Variants in SLC4A9 observed in about 807,000 individuals in gnomAD.
The protein encoded by SLC4A9 is solute carrier family 4 member 9, also known as anion exchange protein 4.
Under a neutral mutation model 103.2 loss-of-function variants are expected in SLC4A9, and 102 were observed. That is an observed-to-expected ratio of 0.99 (90% CI 0.84 to 1.17). The LOEUF (loss-of-function observed/expected upper bound fraction) is 1.17. SLC4A9 is among the 50% of genes most tolerant of loss of function. The probability of loss-of-function intolerance (pLI) is 0.00; values close to 1 mark genes in which losing one functional copy is unlikely to be tolerated. For synonymous variants in SLC4A9, 453 were observed against 483.6 expected (o/e 0.94, Z 0.83); for missense variants, 1,091 against 1,193.7 (o/e 0.91, Z 1.27).
At chr5:140,366,056 T>C in intron 13 of SLC4A9, 34 bp downstream of exon 13, 1 of 1,612,776 alleles carries the variant, frequency 6.2e-7, no homozygotes. Context: ...GGGAGAGGCC[T>C]GACTCTAAGC....
Position 140,364,582 on chromosome 5 carries a change from G to A in SLC4A9, c.1608G>A (p.Gly536=). 6.2e-7 allele frequency: 1 copy of A among 1,602,802 alleles called. No individual in the cohort carries two copies. The highest frequency in any genetic ancestry group is 1.1e-5 in the South Asian group (1 of 89,286). The change falls in exon 11 of 22, where the codon GGG becomes GGA. Residue 536 remains glycine (G), a synonymous_variant. Coordinates refer to ENST00000506757, the MANE Select transcript of SLC4A9 (RefSeq NM_031467.3). The part of the protein sequence containing the change: ...LTHTYPIQKP[G]SSAYGCLCQY... ...ATACCTATCCTATCCAGAAGCCTGG[G>A]TCCTCTGCCTACGGGTGCCTCTGCC... is the stretch of plus-strand genomic sequence containing the variant.
rs1448041674 is a variant in SLC4A9 at position 140,363,393 on chromosome 5, A to T, written c.963-46A>T. The T allele has an allele frequency of 6.7e-7, 1 of 1,503,676 alleles. No homozygotes were observed. Among genetic ancestry groups the T allele is most frequent in the African/African-American group, 1.4e-5 (1 of 72,146 alleles). The allele number at this position is 1,503,676 out of a possible 1,614,324, so 93.1% of individuals were successfully genotyped here. On this transcript the variant is annotated intron_variant, in intron 7 of 21. Coordinates refer to ENST00000506757, the MANE Select transcript of SLC4A9 (RefSeq NM_031467.3). This position sits in a 1 kb window ranked among gnomAD's most constrained non-coding sequence, Gnocchi z 4.5. Reference sequence around the variant, plus strand: ...CCACGAGCTCTGGACCGAGTCGCAGACTGGTTGGAGATCCTCAGCCAACCT... The same window carrying T: ...CCACGAGCTCTGGACCGAGTCGCAGTCTGGTTGGAGATCCTCAGCCAACCT...
rs186775600 is a variant in SLC4A9, at chr5:140,367,425, A to T, written c.2019A>T (p.Thr673=). Residue 673 remains threonine (T), a synonymous_variant, in exon 15 of 22, where the codon ACA becomes ACT. Transcript: ENST00000506757. ...CATGAAATGCCCTCCTCCAGCCCACACTCCCTGGGCGTGGCTGGCTGGTGT... is the reference window on the plus strand; with the variant it reads ...CATGAAATGCCCTCCTCCAGCCCACTCTCCCTGGGCGTGGCTGGCTGGTGT... ...KLMVPREFKP[T]LPGRGWLVSP... is the part of the protein sequence containing the mutation. 6.2e-7 allele frequency: 1 copy of T among 1,611,684 alleles called. No homozygotes were observed. The highest frequency in any genetic ancestry group is 2.2e-5 in the East Asian group (1 of 44,802).
chr5:140,362,980 A>C lies in SLC4A9; in HGVS notation c.876A>C (p.Leu292=). The change falls in exon 7 of 22, where the codon CTA becomes CTC. Residue 292 remains leucine, a synonymous_variant. Coordinates refer to ENST00000506757, the MANE Select transcript of SLC4A9 (RefSeq NM_031467.3). ...TTCTGGCAGCCCTGGATGCATTCCT[A>C]GAGGAGGTGACAGTGCTTCCCCCAG... ...HDLLAALDAF[L]EEVTVLPPGR... 6.2e-7 allele frequency: 1 copy of C among 1,613,084 alleles called. No homozygotes were observed. The highest frequency in any genetic ancestry group is 1.3e-5 in the African/African-American group (1 of 74,952).
intron 3 of SLC4A9, 137 bp from the exon 4 acceptor site, chr5:140,361,671 G>A: frequency 1.1e-6 from 1 of 941,646 alleles, no homozygotes; most frequent in Non-Finnish European, 1.7e-6. Context: ...TTTTAGTGGT[G>A]AGAAAACTGT....
chr5:140,362,931 G>A lies in SLC4A9; in HGVS notation c.827G>A (p.Arg276His), dbSNP rs368529051. The change falls in exon 7 of 22, where the codon CGT becomes CAT. Residue 276 changes from arginine to histidine, a missense_variant. Coordinates refer to ENST00000506757, the MANE Select transcript of SLC4A9 (RefSeq NM_031467.3). ...TCCCAGCAATTCCAGTGGTCAGTTC[G>A]TCGGGCCAGCAACCTTCATGACCTT... ...LSDPQFQWSV[R>H]RASNLHDLLA... The A allele has an allele frequency of 2.6e-5, 42 of 1,613,766 alleles. No individual in the cohort carries two copies. The highest frequency in any genetic ancestry group is 8.0e-5 in the African/African-American group (6 of 74,882).
At chr5:140,370,390 G>C (rs1157195877) in intron 17 of SLC4A9, among the ~76,000 whole-genome samples, 1 of 151,664 alleles carries the variant, frequency 6.6e-6, no homozygotes, top group Admixed American at 6.6e-5. Flanking sequence ...CTTGAGCCTG[G>C]GGGGATGGAG....
rs186005749 is a variant in SLC4A9, at chr5:140,366,403, C to T, written c.2013+139C>T. On this transcript the variant is annotated intron_variant, in intron 14 of 21. Coordinates refer to ENST00000506757, the MANE Select transcript of SLC4A9 (RefSeq NM_031467.3). ...AGCTAGAGATAGTAATAATAATGGC[C>T]TCACAGGGTTGTCATGAGGATTAAA... 3 of 644,106 alleles carry T rather than the reference C, an allele frequency of 4.7e-6. No individual in the cohort carries two copies. The East Asian group carries it at 8.3e-5, about 18-fold the overall frequency. The allele number at this position is 644,106 out of a possible 1,614,324, so 39.9% of individuals were successfully genotyped here.
chr5:140,363,860 C>A lies in SLC4A9; in HGVS notation c.1212C>A (p.Ile404=). Residue 404 remains isoleucine, a synonymous_variant, in exon 9 of 22, where the codon ATC becomes ATA. Transcript: ENST00000506757. The surrounding 1 kb of genome is among the most constrained non-coding windows in gnomAD (Gnocchi z 4.5). The part of the protein sequence containing the change: ...YIYLATVTNA[I]TFGGLLGDAT... The stretch of plus-strand genomic sequence containing the variant: ...ACCTGGCCACTGTCACTAATGCCAT[C>A]ACTTTTGGGGGTCTGCTGGGAGATG... The A allele has an allele frequency of 6.2e-7, 1 of 1,614,002 alleles. No homozygotes were observed. The highest frequency in any genetic ancestry group is 8.5e-7 in the Non-Finnish European group (1 of 1,179,876).
chr5:140,367,877 G>A lies in SLC4A9; in HGVS notation c.2333G>A (p.Arg778His), dbSNP rs748933786. Residue 778 changes from arginine (R) to histidine (H), a missense_variant, in exon 16 of 22, where the codon CGC becomes CAC. Physicochemically the swap from Arg to His is conservative, Grantham distance 29. Coordinates refer to ENST00000506757, the MANE Select transcript of SLC4A9 (RefSeq NM_031467.3). ...AGCAGAGCCTGTGCCCCCGGGGAGC[G>A]CCCCAACTTCCTGGGTATCAGGTGA... ...RESRACAPGERPNFLGIREQR... is the reference protein window; with the variant it reads ...RESRACAPGEHPNFLGIREQR... The A allele has an allele frequency of 3.6e-5, 58 of 1,613,618 alleles. No individual in the cohort carries two copies. The highest frequency in any genetic ancestry group is 7.7e-5 in the South Asian group (7 of 91,042).
rs1159781226 is a variant in SLC4A9 at position 140,362,188 on chromosome 5, G to A, written c.719+14G>A. The A allele has an allele frequency of 5.3e-6, 8 of 1,511,870 alleles. No individual in the cohort carries two copies. Among genetic ancestry groups the A allele is most frequent in the Non-Finnish European group, 7.0e-6 (8 of 1,135,342 alleles). 93.7% of individuals were successfully genotyped at this position (1,511,870 alleles called of 1,614,324 possible). A position where few individuals can be genotyped will look rare whatever the true frequency, so the allele number is the denominator to read the frequency against. On this transcript the variant is annotated intron_variant, in intron 5 of 21. Coordinates refer to ENST00000506757, the MANE Select transcript of SLC4A9 (RefSeq NM_031467.3). ...CCTCCCAAGCAGGTGAGGCTACTGA[G>A]TGAGTGGGAGTCAGGGATCCCAGAA...
intron 17 of SLC4A9, among the ~76,000 whole-genome samples, chr5:140,369,079 T>G (rs1444926593): frequency 1.3e-5 from 2 of 151,788 alleles, no homozygotes. Flanking sequence ...TCCCAGCACT[T>G]TGGGAGGCTG....
rs764861953 is a variant in SLC4A9 at position 140,364,389 on chromosome 5, T to C, written c.1415T>C (p.Phe472Ser). The C allele has an allele frequency of 1.2e-6, 2 of 1,613,212 alleles. No individual in the cohort carries two copies. Among genetic ancestry groups the C allele is most frequent in the South Asian group, 1.1e-5 (1 of 91,028 alleles). Residue 472 changes from phenylalanine (F) to serine (S), a missense_variant, in exon 11 of 22, where the codon TTC becomes TCC. Physicochemically the swap from Phe to Ser is radical, Grantham distance 155. Coordinates refer to ENST00000506757, the MANE Select transcript of SLC4A9 (RefSeq NM_031467.3). ...GATTACAGCCTGGACTACCTGCCCT[T>C]CCGCCTATGGGTGGGCATCTGGGTG... ...SRDYSLDYLP[F>S]RLWVGIWVAT... is the part of the protein sequence containing the mutation.
chr5:140,362,621 A>T (rs1767273584), intron 6 of SLC4A9, 89 bp downstream of exon 6: 2 of 1,294,242 alleles, frequency 1.5e-6, no homozygotes, highest in Non-Finnish European at 2.2e-6. Flanking sequence ...GGCTCATGTG[A>T]GTGTGTGTGT....
intron 17 of SLC4A9, among the ~76,000 whole-genome samples, chr5:140,370,539 G>C (rs1380416822): frequency 6.6e-6 from 1 of 152,102 alleles, no homozygotes; most frequent in Non-Finnish European, 1.5e-5. Flanking sequence ...GATAACTTCT[G>C]TGAAAAATAA....
intron 3 of SLC4A9, 51 bp downstream of exon 3, chr5:140,361,418 T>G (rs1316217188): frequency 2.1e-6 from 3 of 1,435,798 alleles, no homozygotes; most frequent in East Asian, 2.5e-5. Flanking sequence ...TGGCAGGGTC[T>G]CAGATCTCCC....
intron 17 of SLC4A9, among the ~76,000 whole-genome samples, chr5:140,369,268 G>A (rs188288119): frequency 2.2e-4 from 33 of 148,202 alleles, no homozygotes; most frequent in African/African-American, 7.5e-4. Flanking sequence ...GATGACAAGA[G>A]CAAGAATGTC....
In SLC4A9 at chr5:140,365,519, G is replaced by A. The variant is rs1767747523; in HGVS notation, c.1652-1G>A. 6.2e-7 allele frequency: 1 copy of A among 1,609,264 alleles called. No individual in the cohort carries two copies. Among genetic ancestry groups the A allele is most frequent in the Non-Finnish European group, 8.5e-7 (1 of 1,177,780 alleles). ...CATCTGAATTCTTCTCTGCTTCCCA[G>A]GAAATGAGTCTCAATGGATAAGGAC... is the stretch of plus-strand genomic sequence containing the variant. On this transcript the variant is annotated splice_acceptor_variant, in intron 11 of 21. Coordinates refer to ENST00000506757, the MANE Select transcript of SLC4A9 (RefSeq NM_031467.3). LOFTEE classifies it high-confidence loss of function.
At chr5:140,374,719 A>G (rs1351465634) in intron 21 of SLC4A9, 108 bp from the exon 22 acceptor site, 3 of 152,098 alleles carry the variant, frequency 2.0e-5, no homozygotes, top group Admixed American at 2.0e-4. Context: ...TGTTCTTTGC[A>G]GTAGTATGTC....
Sources: gnomAD v4.1 joint callset for allele counts (sites outside exome capture counted in the v4.1 genomes callset) on GRCh38, gnomAD v4.1.1 for gene constraint, Gnocchi (gnomAD v3.1) non-coding constraint, MANE v1.5 for transcripts, NCBI Gene and HGNC (gene_info 2026-07-23, HGNC 2026-07-21) for gene names.